Variants in SND1 observed in about 807,000 individuals in gnomAD.
SND1 encodes staphylococcal nuclease and tudor domain containing 1.
Under a neutral mutation model 121.7 loss-of-function variants are expected in SND1, and 38 were observed. That is an observed-to-expected ratio of 0.31 (90% CI 0.24 to 0.41). The LOEUF is 0.41. SND1 is among the 10% of genes least tolerant of loss of function. The probability of loss-of-function intolerance (pLI) is 1.00; values close to 1 mark genes in which losing one functional copy is unlikely to be tolerated. For synonymous variants in SND1, 401 were observed against 447.4 expected, an observed-to-expected ratio of 0.90 and a Z score of 1.31; for missense variants, 868 against 1,184.6, an observed-to-expected ratio of 0.73 and a Z score of 3.92.
At chr7:128,062,648 C>T (rs1173587596) in intron 16 of SND1, among the ~76,000 whole-genome samples, 1 of 152,184 alleles carries the variant, frequency 6.6e-6, no homozygotes, top group East Asian at 1.9e-4. Flanking sequence ...TTCTTCTGGC[C>T]TGCAAGAGGG....
intron 16 of SND1, among the ~76,000 whole-genome samples, chr7:128,012,004 A>G (rs1159908219): frequency 6.6e-6 from 1 of 152,182 alleles, no homozygotes; most frequent in Admixed American, 6.5e-5. Flanking sequence ...AAATATATAC[A>G]TACATTTTAT....
chr7:127,891,097 C>T (rs184392539), intron 13 of SND1, among the ~76,000 whole-genome samples: 85 of 152,212 alleles, frequency 5.6e-4, no homozygotes, highest in Non-Finnish European at 8.8e-4. Flanking sequence ...GTGCCATCTT[C>T]TCGATGCTAA....
rs531798250 is a variant in SND1, at chr7:127,966,262, T to G, written c.1670-24685T>G. 2.3e-3 allele frequency among the ~76,000 whole-genome samples: 355 copies of G among 151,754 alleles called. 1 individual carries two copies. Among genetic ancestry groups the G allele is most frequent in the African/African-American group, 8.3e-3 (343 of 41,244 alleles). ...CCCACACATTAATAATGGGATACTT[T>G]AACACCCCACTGTCAACATTAGACA... On this transcript the variant is annotated intron_variant, in intron 15 of 23. Transcript: ENST00000354725.
chr7:127,737,567 CTG>C (rs1796799475), intron 10 of SND1, among the ~76,000 whole-genome samples: 1 of 152,124 alleles, frequency 6.6e-6, no homozygotes, highest in Admixed American at 6.5e-5. Flanking sequence ...AAGAATGAGA[CTG>C]TGTCTCAAAG....
chr7:128,075,084 C>T (rs1793484952), intron 17 of SND1, among the ~76,000 whole-genome samples: 1 of 152,258 alleles, frequency 6.6e-6, no homozygotes, highest in African/African-American at 2.4e-5. Context: ...AAGCCCACAT[C>T]TGAATTTCCT....
intron 11 of SND1, among the ~76,000 whole-genome samples, chr7:127,827,226 A>G (rs1483111382): frequency 1.3e-5 from 2 of 152,222 alleles, no homozygotes; most frequent in Non-Finnish European, 2.9e-5. Flanking sequence ...TCTGATTTAA[A>G]GTAAAGCTTT....
chr7:127,981,197 T>C (rs1802251262), intron 15 of SND1, among the ~76,000 whole-genome samples: 1 of 152,144 alleles, frequency 6.6e-6, no homozygotes, highest in South Asian at 2.1e-4. Flanking sequence ...TGACCTCAGA[T>C]ACTTTGTTTT....
chr7:127,683,138 G>A (rs1181649321), intron 1 of SND1, among the ~76,000 whole-genome samples: 2 of 152,220 alleles, frequency 1.3e-5, no homozygotes, highest in Non-Finnish European at 2.9e-5. Flanking sequence ...CTGTTGGCGA[G>A]TAAGACAGGT....
chr7:127,784,181 T>A (rs73721007), intron 10 of SND1, among the ~76,000 whole-genome samples: 2,602 of 152,328 alleles, frequency 0.017, 94 homozygotes, highest in African/African-American at 0.059. Context: ...ATTACACAGC[T>A]TTTTGGCTCA....
At chr7:127,999,640 T>C (rs1802771352) in intron 16 of SND1, 1 of 152,106 alleles carries the variant, frequency 6.6e-6, no homozygotes, top group Non-Finnish European at 1.5e-5. Flanking sequence ...TGAAGCTGGA[T>C]GATGAGGATA....
intron 15 of SND1, among the ~76,000 whole-genome samples, chr7:127,947,569 C>T (rs566781009): frequency 0.45 from 394 of 882 alleles, 1 homozygote; most frequent in Middle Eastern, 0.5. Context: ...TGAGAGGGCC[C>T]TCAAGGTGGC....
chr7:128,029,468 C>T lies in SND1; in HGVS notation c.1779+38412C>T, dbSNP rs1792511589. 1 of 1,614,032 alleles carries T rather than the reference C, an allele frequency of 6.2e-7. No homozygotes were observed. The highest frequency in any genetic ancestry group is 1.3e-5 in the African/African-American group (1 of 74,912). On this transcript the variant is annotated intron_variant, in intron 16 of 23. Coordinates refer to ENST00000354725, the MANE Select transcript of SND1 (RefSeq NM_014390.4). The surrounding 1 kb of genome is among the most constrained non-coding windows in gnomAD (Gnocchi z 4.2). Reference sequence around the variant, plus strand: ...TTGGGTGGCGGGAGGCGTGGCTGAGCACTGTCCCATTGGGCAGCAACCACT... The same window carrying T: ...TTGGGTGGCGGGAGGCGTGGCTGAGTACTGTCCCATTGGGCAGCAACCACT...
chr7:127,848,585 T>C (rs1799110469), intron 12 of SND1, among the ~76,000 whole-genome samples: 1 of 152,256 alleles, frequency 6.6e-6, no homozygotes, highest in African/African-American at 2.4e-5. Context: ...ATCTAAATTA[T>C]GTTTGTTGTA....
intron 11 of SND1, among the ~76,000 whole-genome samples, chr7:127,820,767 G>T (rs1440540391): frequency 6.6e-6 from 1 of 151,550 alleles, no homozygotes; most frequent in Non-Finnish European, 1.5e-5. Flanking sequence ...ACATGAAATT[G>T]TCAAAATGCT....
At chr7:127,901,124 C>T (rs1295386472) in intron 13 of SND1, among the ~76,000 whole-genome samples, 1 of 152,166 alleles carries the variant, frequency 6.6e-6, no homozygotes, top group Non-Finnish European at 1.5e-5. Flanking sequence ...TGCCTACCTT[C>T]CCATGTCTCA....
chr7:128,020,023 G>A (rs1218410912), intron 16 of SND1, among the ~76,000 whole-genome samples: 2 of 152,222 alleles, frequency 1.3e-5, no homozygotes, highest in African/African-American at 4.8e-5. Context: ...CTTTCTGCAA[G>A]CCCTCCTGTC....
intron 15 of SND1, among the ~76,000 whole-genome samples, chr7:127,930,040 C>T (rs1197487304): frequency 6.6e-6 from 1 of 152,200 alleles, no homozygotes; most frequent in East Asian, 1.9e-4. Context: ...CATTTCTTTG[C>T]TGCTGGCAAA....
At chr7:127,857,933 G>C (rs1248044922) in intron 12 of SND1, 3 of 1,357,732 alleles carry the variant, frequency 2.2e-6, no homozygotes, top group Non-Finnish European at 3.2e-6. Context: ...ACACCATCAG[G>C]AAAGTAGCCT....
chr7:127,978,331 G>A lies in SND1; in HGVS notation c.1670-12616G>A, dbSNP rs116656770. Among the ~76,000 whole-genome samples, 119 of 152,290 alleles carry A rather than the reference G, an allele frequency of 7.8e-4. 1 individual carries two copies. The highest frequency in any genetic ancestry group is 3.4e-3 in the Middle Eastern group (1 of 294). The stretch of plus-strand genomic sequence containing the variant: ...AACTATCATTTAGTTGAAAGATAAA[G>A]TCTAAGGACAACATCTTAGGAGCAA... On this transcript the variant is annotated intron_variant, in intron 15 of 23. Transcript: ENST00000354725.
Sources: allele counts gnomAD v4.1 joint callset (sites outside exome capture counted in the v4.1 genomes callset), GRCh38; gene constraint gnomAD v4.1.1; non-coding constraint Gnocchi (gnomAD v3.1); transcripts MANE v1.5; gene names NCBI Gene and HGNC (gene_info 2026-07-23, HGNC 2026-07-21).